Variants in SAMD5 observed in about 807,000 individuals in gnomAD.
SAMD5 encodes the protein sterile alpha motif domain-containing protein 5.
A neutral mutation model predicts 11.3 loss-of-function variants in SAMD5; 13 were observed. The observed-to-expected ratio is 1.15, with a 90% confidence interval of 0.75 to 1.83. SAMD5 has a LOEUF of 1.83. Ranked by LOEUF, SAMD5 falls within the 40% of genes most tolerant of loss-of-function variation. The pLI is 0.00. For missense variants in SAMD5, 255 were observed against 239.1 expected (o/e 1.07, Z -0.44); for synonymous variants, 129 against 111.3 (o/e 1.16, Z -1.00).
At chr6:147,813,739 C>G in the SAMD5 span, among the ~76,000 whole-genome samples, 11 of 152,176 alleles carry the variant, frequency 7.2e-5, no homozygotes, top group African/African-American at 2.7e-4. Context: ...TTTGCTCTAG[C>G]CTGTGGGGAC....
At chr6:147,616,163 TTTC>T (rs1789865891) in intron 1 of SAMD5, among the ~76,000 whole-genome samples, 16 of 131,778 alleles carry the variant, frequency 1.2e-4, no homozygotes, top group Admixed American at 2.3e-4. Context: ...TTCATATATA[TTTC>T]ATATATATTT....
Position 147,649,896 on chromosome 6 carries a change from C to T in SAMD5, c.163-87421C>T, listed in dbSNP as rs569587761. Among the ~76,000 whole-genome samples the T allele has an allele frequency of 2.8e-3, 422 of 151,856 alleles. 2 individuals are homozygous for T. Among genetic ancestry groups the T allele is most frequent in the African/African-American group, 9.7e-3 (401 of 41,414 alleles). On this transcript the variant is annotated intron_variant, in intron 1 of 1. Coordinates refer to the SAMD5 transcript ENST00000566741. ...GACCGCTCTCCCCAGAACTCTTGCT[C>T]TGTGAATATATTACCATGCCTTTTA... is the stretch of plus-strand genomic sequence containing the variant.
At chr6:147,899,189 A>AAAAAAAAACAG in the SAMD5 span, among the ~76,000 whole-genome samples, 1 of 123,458 alleles carries the variant, frequency 8.1e-6, no homozygotes, top group Non-Finnish European at 1.6e-5. Context: ...AAAAAAAAAA[A>AAAAAAAAACAG]AAAAGATAAC....
the SAMD5 span, among the ~76,000 whole-genome samples, chr6:147,845,726 C>T: frequency 6.6e-6 from 1 of 151,978 alleles, no homozygotes; most frequent in Non-Finnish European, 1.5e-5. Flanking sequence ...ATAATGATAA[C>T]ACTAACTGTT....
At position 147,714,731 on chromosome 6, in the gene SAMD5, G is replaced by A. The variant is rs116971156; in HGVS notation, c.163-22586G>A. 2.6e-3 allele frequency among the ~76,000 whole-genome samples: 396 copies of A among 152,270 alleles called. 6 individuals are homozygous for A. The South Asian group carries it at 0.031, about 12-fold the overall frequency. ...AGTGTGCATTGGAATCATCTGGACA[G>A]CTTGTTATAATACAGATTCCTGGAC... On this transcript the variant is annotated intron_variant, in intron 1 of 1. Coordinates refer to the SAMD5 transcript ENST00000566741.
intron 1 of SAMD5, among the ~76,000 whole-genome samples, chr6:147,584,266 A>G (rs1789342796): frequency 1.3e-5 from 2 of 152,240 alleles, no homozygotes; most frequent in African/African-American, 2.4e-5. Context: ...TGGGAGGTTC[A>G]TAAACATCAT....
At chr6:147,847,814 C>T in the SAMD5 span, among the ~76,000 whole-genome samples, 2 of 152,144 alleles carry the variant, frequency 1.3e-5, no homozygotes, top group African/African-American at 4.8e-5. Flanking sequence ...GATTGCACCA[C>T]TGCACTCCAG....
chr6:147,844,573 A>C, the SAMD5 span, among the ~76,000 whole-genome samples: 1 of 152,166 alleles, frequency 6.6e-6, no homozygotes, highest in Non-Finnish European at 1.5e-5. Context: ...CAATAGCCAA[A>C]ATATGGGAAC....
At chr6:147,916,470 T>C in the SAMD5 span, among the ~76,000 whole-genome samples, 574 of 152,296 alleles carry the variant, frequency 3.8e-3, 1 homozygote, top group African/African-American at 0.013. Flanking sequence ...TGGTATCTCA[T>C]TGTGGTTTTG....
chr6:147,934,936 C>G, the SAMD5 span, among the ~76,000 whole-genome samples: 2 of 152,130 alleles, frequency 1.3e-5, no homozygotes, highest in Admixed American at 1.3e-4. Flanking sequence ...GTTTGAACTT[C>G]CCTCCTTGTG....
intron 1 of SAMD5, among the ~76,000 whole-genome samples, chr6:147,588,894 T>A (rs1165084632): frequency 6.6e-6 from 1 of 152,120 alleles, no homozygotes; most frequent in East Asian, 1.9e-4. Context: ...CGGTTATGAT[T>A]TCATGTTACA....
the SAMD5 span, among the ~76,000 whole-genome samples, chr6:147,947,688 G>A: frequency 6.6e-6 from 1 of 152,162 alleles, no homozygotes; most frequent in Non-Finnish European, 1.5e-5. Context: ...TTTTCTGAGA[G>A]CTTACTTTGG....
intron 1 of SAMD5, among the ~76,000 whole-genome samples, chr6:147,660,286 G>C (rs79198108): frequency 0.015 from 2,223 of 152,236 alleles, 76 homozygotes; most frequent in Admixed American, 0.067. Flanking sequence ...GTAAGTCATG[G>C]ATGTTGTCTG....
At chr6:147,894,817 AT>A in the SAMD5 span, among the ~76,000 whole-genome samples, 1 of 152,194 alleles carries the variant, frequency 6.6e-6, no homozygotes, top group Non-Finnish European at 1.5e-5. Flanking sequence ...ACTGAGGCTC[AT>A]TTTTTGGAAA....
intron 1 of SAMD5, among the ~76,000 whole-genome samples, chr6:147,628,928 A>C (rs1488041240): frequency 6.6e-6 from 1 of 152,110 alleles, no homozygotes; most frequent in Non-Finnish European, 1.5e-5. Context: ...AATGTCACAG[A>C]TCTTTATCTC....
chr6:147,550,224 T>C (rs760305368), intron 1 of SAMD5, among the ~76,000 whole-genome samples: 9 of 152,058 alleles, frequency 5.9e-5, no homozygotes, highest in Admixed American at 1.3e-4. Flanking sequence ...GGCAACAGAA[T>C]GAGACTCTTG....
chr6:147,869,115 C>G, the SAMD5 span, among the ~76,000 whole-genome samples: 2 of 152,152 alleles, frequency 1.3e-5, no homozygotes, highest in Admixed American at 6.5e-5. Context: ...CTAGAAATTC[C>G]TCTGAGAAAG....
At chr6:147,919,031 T>G in the SAMD5 span, among the ~76,000 whole-genome samples, 3 of 152,170 alleles carry the variant, frequency 2.0e-5, no homozygotes, top group Non-Finnish European at 4.4e-5. Flanking sequence ...GCTAACATAT[T>G]GTGGGCCCAG....
chr6:147,825,030 C>T, the SAMD5 span, among the ~76,000 whole-genome samples: 2 of 152,168 alleles, frequency 1.3e-5, no homozygotes, highest in East Asian at 1.9e-4. Flanking sequence ...GACGGTGACT[C>T]ATGCCTGTAG....
Sources: allele counts gnomAD v4.1 joint callset (sites outside exome capture counted in the v4.1 genomes callset), GRCh38; gene constraint gnomAD v4.1.1; transcripts MANE v1.5; gene names NCBI Gene and HGNC (gene_info 2026-07-23, HGNC 2026-07-21).